RGS7: variants seen among roughly 807,000 people sequenced by gnomAD.
RGS7 encodes the protein regulator of G-protein signaling 7.
Under a neutral mutation model 81.1 loss-of-function variants are expected in RGS7, and 27 were observed. The ratio of observed to expected loss-of-function variants is 0.33; its 90% CI spans 0.25 to 0.46. The LOEUF (loss-of-function observed/expected upper bound fraction) is 0.46. Ranked by LOEUF, RGS7 falls within the 20% of genes least tolerant of loss-of-function variation. RGS7 has a pLI of 1.00. For synonymous variants in RGS7, 208 were observed against 207.7 expected (o/e 1.00, Z -0.01); for missense variants, 396 against 607.4 (o/e 0.65, Z 3.66).
intron 14 of RGS7, among the ~76,000 whole-genome samples, chr1:240,808,772 G>A (rs1689320503): frequency 6.6e-6 from 1 of 152,016 alleles, no homozygotes. Flanking sequence ...CTACTCAGGA[G>A]GCTGAGGTGG....
intron 2 of RGS7, among the ~76,000 whole-genome samples, chr1:241,247,574 A>G (rs1419646523): frequency 2.6e-5 from 4 of 152,150 alleles, no homozygotes; most frequent in Admixed American, 1.3e-4. Context: ...GTCAAAGGGT[A>G]GTAAGGCTTT....
intron 4 of RGS7, among the ~76,000 whole-genome samples, chr1:240,957,763 G>A (rs537989164): frequency 2.6e-5 from 4 of 152,134 alleles, no homozygotes; most frequent in Admixed American, 6.5e-5. Context: ...AGGGAAACTG[G>A]GGGGTGGGAT....
chr1:240,807,751 G>C (rs1039615202), intron 14 of RGS7, among the ~76,000 whole-genome samples: 2 of 151,984 alleles, frequency 1.3e-5, no homozygotes, highest in African/African-American at 2.4e-5. Flanking sequence ...AATACTATGC[G>C]AGGCTGGGCA....
chr1:241,013,209 T>C (rs2059058111), intron 3 of RGS7, among the ~76,000 whole-genome samples: 1 of 152,000 alleles, frequency 6.6e-6, no homozygotes, highest in Non-Finnish European at 1.5e-5. Context: ...ATTACAGGTG[T>C]GCACCACCAT....
chr1:241,192,572 A>G (rs1318038606), intron 2 of RGS7, among the ~76,000 whole-genome samples: 1 of 152,170 alleles, frequency 6.6e-6, no homozygotes, highest in Non-Finnish European at 1.5e-5. Flanking sequence ...TGAATTGGTC[A>G]AGATGAATTT....
chr1:240,799,600 C>T (rs978949451), intron 18 of RGS7, among the ~76,000 whole-genome samples: 12 of 152,010 alleles, frequency 7.9e-5, no homozygotes, highest in African/African-American at 2.7e-4. Flanking sequence ...CCCTAGGCCA[C>T]ATTGCAAGAA....
intron 4 of RGS7, among the ~76,000 whole-genome samples, chr1:240,973,437 G>A (rs1030092433): frequency 6.6e-6 from 1 of 151,638 alleles, no homozygotes; most frequent in African/African-American, 2.4e-5. Flanking sequence ...TTGAACCCGG[G>A]AGGCTGAGGT....
At chr1:241,046,880 C>T (rs1239344357) in intron 3 of RGS7, among the ~76,000 whole-genome samples, 1 of 152,066 alleles carries the variant, frequency 6.6e-6, no homozygotes, top group Non-Finnish European at 1.5e-5. Context: ...GCCAGTAGTG[C>T]AATTTCAATT....
At chr1:240,902,550 T>C (rs1265611611) in intron 6 of RGS7, among the ~76,000 whole-genome samples, 1 of 152,200 alleles carries the variant, frequency 6.6e-6, no homozygotes, top group Non-Finnish European at 1.5e-5. Flanking sequence ...TAATGTTTGA[T>C]GCTGTCCCTT....
chr1:241,357,063 C>T lies in RGS7; in HGVS notation c.-215G>A, dbSNP rs1256357275. The T allele has an allele frequency of 6.6e-6, 1 of 152,250 alleles. No homozygotes were observed. Among genetic ancestry groups the T allele is most frequent in the Admixed American group, 6.5e-5 (1 of 15,280 alleles). The allele number at this position is 152,250 out of a possible 1,614,324, so 9.4% of individuals were successfully genotyped here. ...CCGGCTCTAGCTGCTCAGGCGACCG[C>T]CACCCTCGCCTCGCCGCCGCCCGTG... On this transcript the variant is annotated 5_prime_UTR_variant, in exon 1 of 19. Transcript: ENST00000440928.
chr1:240,855,699 C>G (rs1038041614), intron 9 of RGS7, among the ~76,000 whole-genome samples: 1 of 152,020 alleles, frequency 6.6e-6, no homozygotes, highest in Non-Finnish European at 1.5e-5. Context: ...TATGTTTAAC[C>G]ACTCTAATTT....
chr1:240,806,611 T>C (rs1688895257), intron 14 of RGS7, among the ~76,000 whole-genome samples: 2 of 151,528 alleles, frequency 1.3e-5, no homozygotes, highest in Admixed American at 1.3e-4. Context: ...AAAAACTCTC[T>C]CTTCTAAGTG....
At chr1:241,275,247 A>G (rs2148368270) in intron 2 of RGS7, among the ~76,000 whole-genome samples, 1 of 152,346 alleles carries the variant, frequency 6.6e-6, no homozygotes, top group Admixed American at 6.5e-5. Flanking sequence ...ACAGTCCAGC[A>G]ATAATGCTTT....
chr1:241,002,522 T>C (rs987518412), intron 3 of RGS7, among the ~76,000 whole-genome samples: 3 of 152,182 alleles, frequency 2.0e-5, no homozygotes, highest in Non-Finnish European at 4.4e-5. Context: ...GGAAAGTGTA[T>C]TCTTCCATGT....
At chr1:240,776,312 T>C in intron 18 of RGS7, 99 bp from the exon 19 acceptor site, 1 of 904,848 alleles carries the variant, frequency 1.1e-6, no homozygotes, top group Non-Finnish European at 1.9e-6. Flanking sequence ...CTGATTTTTG[T>C]GCAAGGTCAA....
intron 3 of RGS7, among the ~76,000 whole-genome samples, chr1:241,036,053 T>C (rs759565116): frequency 2.0e-5 from 3 of 152,178 alleles, no homozygotes; most frequent in Non-Finnish European, 4.4e-5. Context: ...GCCCACTCCT[T>C]ACTACTAATT....
At chr1:241,010,355 C>T (rs1394038764) in intron 3 of RGS7, among the ~76,000 whole-genome samples, 3 of 152,136 alleles carry the variant, frequency 2.0e-5, no homozygotes, top group Non-Finnish European at 2.9e-5. Flanking sequence ...TATGGATTGA[C>T]GTTTCCAACA....
chr1:241,353,438 G>C (rs2083371384), intron 2 of RGS7, among the ~76,000 whole-genome samples: 1 of 152,128 alleles, frequency 6.6e-6, no homozygotes, highest in Non-Finnish European at 1.5e-5. Flanking sequence ...TGATAAGCAA[G>C]GACGCTGTGT....
chr1:241,048,152 A>G (rs1189660086), intron 3 of RGS7, among the ~76,000 whole-genome samples: 1 of 151,916 alleles, frequency 6.6e-6, no homozygotes, highest in African/African-American at 2.4e-5. Context: ...AGTTCCCATG[A>G]CTCAGGAGGA....
Sources: allele counts gnomAD v4.1 joint callset (sites outside exome capture counted in the v4.1 genomes callset), GRCh38; gene constraint gnomAD v4.1.1; transcripts MANE v1.5; gene names NCBI Gene and HGNC (gene_info 2026-07-23, HGNC 2026-07-21).